Variants in MYO5B observed in about 807,000 individuals in gnomAD.
MYO5B encodes the protein myosin VB.
MYO5B carries 143 observed loss-of-function variants against 229.3 expected under a neutral mutation model. That is an observed-to-expected ratio of 0.62 (90% CI 0.54 to 0.72). The LOEUF is 0.72. Ranked by LOEUF, MYO5B falls within the 30% of genes least tolerant of loss-of-function variation. MYO5B has a pLI of 0.00. For synonymous variants in MYO5B, 918 were observed against 885.2 expected, an observed-to-expected ratio of 1.04 and a Z score of -0.66; for missense variants, 2,321 against 2,331.0, an observed-to-expected ratio of 1.00 and a Z score of 0.09.
intron 1 of MYO5B, among the ~76,000 whole-genome samples, chr18:50,079,154 G>A (rs949875228): frequency 4.9e-4 from 75 of 152,218 alleles, no homozygotes; most frequent in African/African-American, 1.8e-3. Flanking sequence ...AGTTACATCG[G>A]TGGGTTCAGT....
At chr18:49,973,744 T>C (rs577738675) in intron 10 of MYO5B, among the ~76,000 whole-genome samples, 31 of 152,260 alleles carry the variant, frequency 2.0e-4, no homozygotes, top group African/African-American at 7.0e-4. Context: ...TCCCGATGGC[T>C]AGGCAAGTAC....
intron 21 of MYO5B, among the ~76,000 whole-genome samples, chr18:49,895,663 G>A (rs1442525801): frequency 6.6e-6 from 1 of 152,148 alleles, no homozygotes; most frequent in Non-Finnish European, 1.5e-5. Flanking sequence ...CTCTTCCAAG[G>A]AGGCCCTCCA....
In MYO5B at chr18:49,841,205, T is replaced by C. The variant is rs180995049; in HGVS notation, c.4701+160A>G. Among the ~76,000 whole-genome samples, 4 of 152,262 alleles carry C rather than the reference T, an allele frequency of 2.6e-5. No homozygotes were observed. The East Asian group carries it at 5.8e-4, about 22-fold the overall frequency. On this transcript the variant is annotated intron_variant, in intron 35 of 39. Transcript: ENST00000285039. ...GGCAGGTCTCCTGTGGCTGGCCTTA[T>C]TGCTGCTTCCAGCCACGAGGCATGA...
At chr18:50,110,646 A>G (rs538709187) in intron 1 of MYO5B, among the ~76,000 whole-genome samples, 1 of 152,336 alleles carries the variant, frequency 6.6e-6, no homozygotes, top group South Asian at 2.1e-4. Context: ...ATCACACTCC[A>G]TAAATGCAGA....
chr18:49,929,558 C>T lies in MYO5B; in HGVS notation c.2044G>A (p.Gly682Arg). The T allele has an allele frequency of 1.2e-6, 2 of 1,609,036 alleles. No individual in the cohort carries two copies. The highest frequency in any genetic ancestry group is 2.2e-5 in the East Asian group (1 of 44,852). ...KRAVQQLRAC[G>R]VLETIRISAA... Reference sequence around the variant, plus strand: ...CTGATTCGAATCGTCTCCAACACCCCGCAGGCTCTGAGTTGCTGCACTGCT... The same window carrying T: ...CTGATTCGAATCGTCTCCAACACCCTGCAGGCTCTGAGTTGCTGCACTGCT... Residue 682 changes from glycine to arginine, a missense_variant, in exon 17 of 40, where the codon GGG becomes AGG. Gly to Arg is a moderately radical substitution (Grantham distance 125). Transcript: ENST00000285039.
intron 12 of MYO5B, among the ~76,000 whole-genome samples, chr18:49,959,142 T>G (rs1198314418): frequency 7.7e-6 from 1 of 129,988 alleles, no homozygotes; most frequent in Non-Finnish European, 1.7e-5. Context: ...CACCCCCTCC[T>G]CATCTGACTT....
Position 50,071,916 on chromosome 18 carries a change from T to C in MYO5B, c.28-16538A>G, listed in dbSNP as rs561575776. ...TCCCATGCTCCAGCCCCATTTCTGTTAACAGGAGACAAATCAACAGCTGAC... is the reference window on the plus strand; with the variant it reads ...TCCCATGCTCCAGCCCCATTTCTGTCAACAGGAGACAAATCAACAGCTGAC... On this transcript the variant is annotated intron_variant, in intron 1 of 39. Coordinates refer to ENST00000285039, the MANE Select transcript of MYO5B (RefSeq NM_001080467.3). Among the ~76,000 whole-genome samples, 5 of 152,322 alleles carry C rather than the reference T, an allele frequency of 3.3e-5. No individual in the cohort carries two copies. In the South Asian group the frequency reaches 1.0e-3, roughly 32 times the overall value.
intron 1 of MYO5B, among the ~76,000 whole-genome samples, chr18:50,134,594 A>G (rs1426998246): frequency 1.6e-5 from 2 of 127,852 alleles, no homozygotes; most frequent in Non-Finnish European, 3.4e-5. Context: ...ATAAATAAAT[A>G]AATAAATAAT....
intron 1 of MYO5B, among the ~76,000 whole-genome samples, chr18:50,109,149 C>G (rs1418241603): frequency 6.6e-6 from 1 of 152,138 alleles, no homozygotes; most frequent in Non-Finnish European, 1.5e-5. Context: ...TGAAGAACCA[C>G]GATAAGAAAG....
intron 4 of MYO5B, among the ~76,000 whole-genome samples, chr18:50,007,082 C>A (rs1024352272): frequency 1.3e-5 from 2 of 152,154 alleles, no homozygotes; most frequent in Non-Finnish European, 2.9e-5. Flanking sequence ...CCGTGGTATC[C>A]TCCCTCCTCA....
intron 20 of MYO5B, 35 bp from the exon 21 acceptor site, chr18:49,902,868 T>G: frequency 6.3e-7 from 1 of 1,596,070 alleles, no homozygotes; most frequent in Non-Finnish European, 8.5e-7. Flanking sequence ...CTTGTGGGTT[T>G]GCACTGCAGG....
intron 39 of MYO5B, among the ~76,000 whole-genome samples, chr18:49,833,691 G>A (rs182997766): frequency 2.6e-3 from 392 of 152,194 alleles, no homozygotes; most frequent in Middle Eastern, 6.8e-3. Context: ...TCAGATATTC[G>A]AAACTAAACA....
chr18:49,841,586 T>C, intron 34 of MYO5B, 132 bp from the exon 35 acceptor site: 1 of 814,216 alleles, frequency 1.2e-6, no homozygotes, highest in Non-Finnish European at 2.1e-6. Flanking sequence ...GGCAGGGCAC[T>C]TGCCAGTCAC....
At chr18:49,830,145 C>CCACACACACACACACA (rs57718809) in intron 39 of MYO5B, among the ~76,000 whole-genome samples, 124 of 150,006 alleles carry the variant, frequency 8.3e-4, no homozygotes, top group South Asian at 3.4e-3. Flanking sequence ...CTGAAAGAAT[C>CCACACACACACACACA]CACACACACA....
At chr18:50,154,556 C>T (rs1000163553) in intron 1 of MYO5B, among the ~76,000 whole-genome samples, 2 of 152,214 alleles carry the variant, frequency 1.3e-5, no homozygotes, top group African/African-American at 4.8e-5. Flanking sequence ...TAATATCCTG[C>T]TTCTATTCCA....
intron 20 of MYO5B, 149 bp downstream of exon 20, chr18:49,904,523 C>T: frequency 1.0e-6 from 1 of 957,926 alleles, no homozygotes; most frequent in Non-Finnish European, 1.6e-6. Context: ...CCTTGTGGGA[C>T]TTCAGAAAGG....
chr18:49,887,931 C>A (rs550507823), intron 22 of MYO5B, among the ~76,000 whole-genome samples: 1 of 152,170 alleles, frequency 6.6e-6, no homozygotes, highest in South Asian at 2.1e-4. Context: ...TGTGATCCAC[C>A]CACCTCAGCC....
At chr18:49,845,878 C>A (rs1033243446) in intron 33 of MYO5B, among the ~76,000 whole-genome samples, 2 of 152,216 alleles carry the variant, frequency 1.3e-5, no homozygotes, top group Admixed American at 1.3e-4. Context: ...CCTGAGCAAG[C>A]TGCACAGGTC....
intron 1 of MYO5B, among the ~76,000 whole-genome samples, chr18:50,103,513 G>T (rs886130508): frequency 6.6e-6 from 1 of 152,176 alleles, no homozygotes; most frequent in African/African-American, 2.4e-5. Context: ...ACTTTGGGAG[G>T]CCAAGGTGGA....
Sources: allele counts gnomAD v4.1 joint callset (sites outside exome capture counted in the v4.1 genomes callset), GRCh38; gene constraint gnomAD v4.1.1; transcripts MANE v1.5; gene names NCBI Gene and HGNC (gene_info 2026-07-23, HGNC 2026-07-21).